Variants in ERG observed in about 807,000 individuals in gnomAD.
ERG encodes the protein transcriptional regulator ERG.
A neutral mutation model predicts 55.3 loss-of-function variants in ERG; 9 were observed. The observed-to-expected ratio is 0.16, with a 90% CI of 0.10 to 0.28. The LOEUF is 0.28. ERG is among the 10% of genes least tolerant of loss of function. The pLI is 1.00. For synonymous variants in ERG, 223 were observed against 237.3 expected (o/e 0.94, Z 0.55); for missense variants, 434 against 631.6 (o/e 0.69, Z 3.35).
At chr21:38,588,092 C>T (rs779682429), upstream of ERG, among the ~76,000 whole-genome samples, 3 of 152,214 alleles carry the variant, frequency 2.0e-5, no homozygotes, top group East Asian at 1.9e-4. Flanking sequence ...ACGAAGTCCA[C>T]GAAGAGAAGC....
At chr21:38,467,189 T>A (rs1264783613) in intron 1 of ERG, among the ~76,000 whole-genome samples, 1 of 152,162 alleles carries the variant, frequency 6.6e-6, no homozygotes, top group Non-Finnish European at 1.5e-5. Flanking sequence ...AGAAACAACA[T>A]TTGACAGCTC....
In ERG at chr21:38,392,588, G is replaced by C. The variant is rs563355434; in HGVS notation, c.746-144C>G. The C allele has an allele frequency of 5.2e-6, 3 of 581,058 alleles. No homozygotes were observed. In the East Asian group the frequency reaches 9.3e-5, roughly 18 times the overall value. The allele number at this position is 581,058 out of a possible 1,614,324, so 36.0% of individuals were successfully genotyped here. A position where few individuals can be genotyped will look rare whatever the true frequency, so the allele number is the denominator to read the frequency against. On this transcript the variant is annotated intron_variant, in intron 6 of 9. Transcript: ENST00000288319. The stretch of plus-strand genomic sequence containing the variant: ...TCCAAAGAAATATCCCACTAGATTT[G>C]AGTTTTATTTACAAATTAAAATTTC...
Position 38,460,956 on chromosome 21 carries a change from C to T in ERG, c.19-15335G>A, listed in dbSNP as rs535839400. ...ATTCCCAGAGCTCTATCTGGTAGAA[C>T]GTGTCTCCATATTAATAAGCAGTGA... On this transcript the variant is annotated intron_variant, in intron 1 of 9. Transcript: ENST00000288319. This position sits in a 1 kb window ranked among gnomAD's most constrained non-coding sequence, Gnocchi z 5.0. 6.6e-6 allele frequency among the ~76,000 whole-genome samples: 1 copy of T among 152,276 alleles called. No homozygotes were observed. The highest frequency in any genetic ancestry group is 2.1e-4 in the South Asian group (1 of 4,826).
chr21:38,476,523 T>C (rs887919730), intron 1 of ERG, among the ~76,000 whole-genome samples: 21 of 152,138 alleles, frequency 1.4e-4, no homozygotes, highest in African/African-American at 5.1e-4. Context: ...ACGGCTCCAA[T>C]GGCCATGCAA....
the ERG span, among the ~76,000 whole-genome samples, chr21:38,374,198 C>T: frequency 3.9e-5 from 6 of 152,234 alleles, no homozygotes; most frequent in Non-Finnish European, 7.3e-5. Context: ...AGGCTGTGGG[C>T]GTCTGCCCCA....
chr21:38,561,518 A>C (rs1009687172), intron 2 of ERG, among the ~76,000 whole-genome samples: 1 of 152,066 alleles, frequency 6.6e-6, no homozygotes, highest in Non-Finnish European at 1.5e-5. Flanking sequence ...TTTTTCAAAC[A>C]ACACAAGTCA....
At chr21:38,650,417 C>T (rs1476229078) in intron 1 of ERG, among the ~76,000 whole-genome samples, 2 of 152,150 alleles carry the variant, frequency 1.3e-5, no homozygotes, top group African/African-American at 4.8e-5. Flanking sequence ...AGGAGGACTG[C>T]CTGAACTCAT....
chr21:38,403,459 A>G, intron 4 of ERG, 47 bp downstream of exon 4: 1 of 1,591,248 alleles, frequency 6.3e-7, no homozygotes, highest in African/African-American at 1.3e-5. Context: ...TCAGGTCATA[A>G]GAACCATAGC....
intron 2 of ERG, among the ~76,000 whole-genome samples, chr21:38,531,522 G>A (rs371299503): frequency 4.6e-5 from 7 of 152,056 alleles, no homozygotes; most frequent in Non-Finnish European, 8.8e-5. Context: ...GGTAGTACAC[G>A]CTCTTCCTTA....
At chr21:38,529,961 C>T (rs911545052) in intron 2 of ERG, among the ~76,000 whole-genome samples, 4 of 152,154 alleles carry the variant, frequency 2.6e-5, no homozygotes, top group Middle Eastern at 3.4e-3. Flanking sequence ...AGCGAAACTC[C>T]GTCTCAAAAA....
downstream of ERG, among the ~76,000 whole-genome samples, chr21:38,375,198 G>A (rs1987209212): frequency 6.6e-6 from 1 of 152,136 alleles, no homozygotes; most frequent in African/African-American, 2.4e-5. Context: ...AGCAGCAAGG[G>A]CAGGATTTGG....
chr21:38,600,535 C>T (rs867562264), intron 1 of ERG, among the ~76,000 whole-genome samples: 6 of 152,138 alleles, frequency 3.9e-5, no homozygotes, highest in African/African-American at 1.2e-4. Context: ...TCCCATGTGG[C>T]GACTCCCATC....
At chr21:38,529,692 C>T (rs79006136) in intron 2 of ERG, among the ~76,000 whole-genome samples, 10,794 of 152,186 alleles carry the variant, frequency 0.071, 515 homozygotes, top group South Asian at 0.12. Flanking sequence ...TGGCCAGGCG[C>T]GGTGGCTCAT....
At chr21:38,604,638 A>T (rs887034639) in intron 1 of ERG, among the ~76,000 whole-genome samples, 1 of 152,268 alleles carries the variant, frequency 6.6e-6, no homozygotes, top group East Asian at 1.9e-4. Context: ...CTTTCCAAAA[A>T]TAGTCAAATA....
At chr21:38,446,109 A>G (rs189207067) in intron 1 of ERG, among the ~76,000 whole-genome samples, 172 of 152,026 alleles carry the variant, frequency 1.1e-3, no homozygotes, top group African/African-American at 4.1e-3. Context: ...AGAGGGATCA[A>G]TGGAGCACCA....
chr21:38,401,747 C>T (rs986890934), intron 5 of ERG, among the ~76,000 whole-genome samples: 17 of 152,070 alleles, frequency 1.1e-4, no homozygotes, highest in Non-Finnish European at 1.9e-4. Context: ...GCCATGCTTC[C>T]GGAACTCTCT....
chr21:38,632,382 T>C (rs1035678340), intron 1 of ERG, among the ~76,000 whole-genome samples: 2 of 152,120 alleles, frequency 1.3e-5, no homozygotes, highest in African/African-American at 2.4e-5. Flanking sequence ...CAAGTGTTGG[T>C]CAGGATGTAG....
intron 3 of ERG, among the ~76,000 whole-genome samples, chr21:38,418,705 T>C (rs1188652162): frequency 6.6e-6 from 1 of 151,818 alleles, no homozygotes; most frequent in African/African-American, 2.4e-5. Flanking sequence ...GGTGGGCGGA[T>C]CACCTGAGGT....
chr21:38,516,518 T>A (rs932282974), intron 2 of ERG, among the ~76,000 whole-genome samples: 14 of 151,892 alleles, frequency 9.2e-5, no homozygotes, highest in Admixed American at 3.9e-4. Flanking sequence ...AGAACTAATA[T>A]CATTAAAATG....
Sources: gnomAD v4.1 joint callset for allele counts (sites outside exome capture counted in the v4.1 genomes callset) on GRCh38, gnomAD v4.1.1 for gene constraint, Gnocchi (gnomAD v3.1) non-coding constraint, MANE v1.5 for transcripts, NCBI Gene and HGNC (gene_info 2026-07-23, HGNC 2026-07-21) for gene names.